The following LAMA2 variants were observed in gnomAD, a reference collection of about 807,000 sequenced individuals.
The protein encoded by LAMA2 is laminin subunit alpha 2.
LAMA2 carries 269 observed loss-of-function variants against 364.8 expected under a neutral mutation model. The ratio of observed to expected loss-of-function variants is 0.74; its 90% CI spans 0.67 to 0.82. LAMA2 has a LOEUF of 0.82. Ranked by LOEUF, LAMA2 falls within the 40% of genes least tolerant of loss-of-function variation. The probability of loss-of-function intolerance (pLI) is 0.00; values close to 1 mark genes in which losing one functional copy is unlikely to be tolerated. For synonymous variants in LAMA2, 1,379 were observed against 1,370.6 expected (o/e 1.01, Z -0.14); for missense variants, 3,807 against 3,873.2 (o/e 0.98, Z 0.45).
chr6:129,229,239 G>A (rs1784520078), intron 12 of LAMA2, among the ~76,000 whole-genome samples: 1 of 152,182 alleles, frequency 6.6e-6, no homozygotes, highest in South Asian at 2.1e-4. Flanking sequence ...GCCTAGGAAG[G>A]ATGATAGTGG....
Position 129,260,769 on chromosome 6 carries a change from G to A in LAMA2, c.2155G>A (p.Ala719Thr). 1 of 1,612,812 alleles carries A rather than the reference G, an allele frequency of 6.2e-7. No individual in the cohort carries two copies. Among genetic ancestry groups the A allele is most frequent in the South Asian group, 1.1e-5 (1 of 91,066 alleles). ...CTATCCTACTGATGGAAGCATTGCA[G>A]CAGCTGTAGAAGTGTGTCAGTGCCC... ...VSYPTDGSIA[A>T]AVEVCQCPPG... The change falls in exon 15 of 65, where the codon GCA (alanine) becomes ACA (threonine). Residue 719 changes from alanine to threonine, a missense_variant. By Grantham distance (58) the Ala-to-Thr change is moderately conservative. Around this residue, in one of 3 missense-constraint regions of LAMA2, gnomAD observed 3,333 missense variants for 3,345.7 expected, o/e 1.00. Coordinates refer to ENST00000421865, the MANE Select transcript of LAMA2 (RefSeq NM_000426.4).
chr6:129,199,047 TGAA>T (rs1424202153), intron 12 of LAMA2, among the ~76,000 whole-genome samples: 1 of 152,122 alleles, frequency 6.6e-6, no homozygotes, highest in African/African-American at 2.4e-5. Context: ...AAGAGGACTA[TGAA>T]GAAGAAAACC....
intron 1 of LAMA2, among the ~76,000 whole-genome samples, chr6:128,955,759 A>G (rs1781104775): frequency 1.3e-5 from 2 of 151,958 alleles, no homozygotes; most frequent in Non-Finnish European, 1.5e-5. Context: ...GAGCAAATAT[A>G]TAGCTACTAT....
intron 1 of LAMA2, among the ~76,000 whole-genome samples, chr6:128,901,556 TGCTATACAAATGTGAA>T (rs1191895109): frequency 1.1e-4 from 16 of 152,216 alleles, no homozygotes; most frequent in Admixed American, 1.0e-3. Context: ...AGATGCCAGA[TGCTATACAAATGTGAA>T]GCATATGACA....
chr6:129,015,475 G>A (rs1379277996), intron 1 of LAMA2, among the ~76,000 whole-genome samples: 2 of 152,012 alleles, frequency 1.3e-5, no homozygotes, highest in African/African-American at 2.4e-5. Context: ...ATATCCACAA[G>A]CATTTCACCA....
intron 1 of LAMA2, among the ~76,000 whole-genome samples, chr6:129,005,269 CCTAT>C (rs1417398180): frequency 6.6e-6 from 1 of 151,770 alleles, no homozygotes; most frequent in Non-Finnish European, 1.5e-5. Flanking sequence ...CCTTTTCTTC[CCTAT>C]CTCCTTTATT....
At chr6:129,138,664 T>C (rs766834865) in intron 4 of LAMA2, among the ~76,000 whole-genome samples, 3 of 152,174 alleles carry the variant, frequency 2.0e-5, no homozygotes, top group Non-Finnish European at 4.4e-5. Flanking sequence ...AATATTCCAT[T>C]GATTTGAATA....
At chr6:129,318,818 G>A (rs1459109041) in intron 27 of LAMA2, among the ~76,000 whole-genome samples, 1 of 152,168 alleles carries the variant, frequency 6.6e-6, no homozygotes. Context: ...ACCTATGCTT[G>A]TTATAAAGTT....
chr6:129,357,948 T>C (rs986455526), intron 32 of LAMA2, among the ~76,000 whole-genome samples: 1 of 152,038 alleles, frequency 6.6e-6, no homozygotes, highest in African/African-American at 2.4e-5. Context: ...CTCCAGATGC[T>C]GATTACTGAT....
rs200469923 is a variant in LAMA2 at position 129,465,299 on chromosome 6, T to A, written c.7300+10T>A. ...AGAATTCAAAAACAAGGTGAGTTTT[T>A]ACAGTAATAATGCAATATAGGCCTT... is the stretch of plus-strand genomic sequence containing the variant. On this transcript the variant is annotated intron_variant, in intron 51 of 64. Transcript: ENST00000421865. 1,491 of 1,603,496 alleles carry A rather than the reference T, an allele frequency of 9.3e-4. 3 individuals are homozygous for A. Among genetic ancestry groups the A allele is most frequent in the Non-Finnish European group, 1.1e-3 (1,347 of 1,171,766 alleles).
At chr6:128,913,897 T>C (rs1295963562) in intron 1 of LAMA2, among the ~76,000 whole-genome samples, 2 of 152,162 alleles carry the variant, frequency 1.3e-5, no homozygotes, top group African/African-American at 4.8e-5. Flanking sequence ...AAAGTCTTAG[T>C]TACCTTTTGA....
chr6:128,968,172 T>A (rs1039427923), intron 1 of LAMA2, among the ~76,000 whole-genome samples: 3 of 152,196 alleles, frequency 2.0e-5, no homozygotes, highest in African/African-American at 7.2e-5. Context: ...TGTGAGGTCT[T>A]TATAAATGAC....
chr6:129,193,355 A>G (rs923422607), intron 12 of LAMA2, among the ~76,000 whole-genome samples: 1 of 152,252 alleles, frequency 6.6e-6, no homozygotes, highest in Non-Finnish European at 1.5e-5. Context: ...AGGCTTATGT[A>G]AACAACATAT....
intron 1 of LAMA2, among the ~76,000 whole-genome samples, chr6:128,883,803 C>T (rs185901524): frequency 0.1 from 8,910 of 89,302 alleles, 256 homozygotes; most frequent in Non-Finnish European, 0.12. Context: ...TATATATATA[C>T]ACACACACAC....
intron 3 of LAMA2, among the ~76,000 whole-genome samples, chr6:129,076,437 T>TATATATAATATATTATATATA (rs1773640061): frequency 6.9e-6 from 1 of 144,122 alleles, no homozygotes; most frequent in Non-Finnish European, 1.5e-5. Flanking sequence ...TATATATAAA[T>TATATATAATATATTATATATA]ATATATAATA....
At chr6:128,946,168 A>G (rs1439026639) in intron 1 of LAMA2, among the ~76,000 whole-genome samples, 1 of 152,260 alleles carries the variant, frequency 6.6e-6, no homozygotes, top group African/African-American at 2.4e-5. Context: ...GTTTTAAGTC[A>G]CTACGTTTGT....
chr6:129,499,681 C>T (rs1363648980), intron 58 of LAMA2, among the ~76,000 whole-genome samples: 1 of 152,078 alleles, frequency 6.6e-6, no homozygotes, highest in Non-Finnish European at 1.5e-5. Flanking sequence ...GAAGCAACAC[C>T]GGGCAAAGCA....
chr6:129,401,898 GA>G (rs1182044860), intron 38 of LAMA2, among the ~76,000 whole-genome samples: 1 of 152,060 alleles, frequency 6.6e-6, no homozygotes, highest in East Asian at 1.9e-4. Flanking sequence ...TAGTAAGTTT[GA>G]AGTTTCATTT....
Position 129,369,919 on chromosome 6 carries a change from G to A in LAMA2, c.4888G>A (p.Glu1630Lys), listed in dbSNP as rs774435152. ...CTTGCTGTCACCTCAGCGGGCCCCA[G>A]AGAGGCTTATTCAGCTGGCAGAGGG... ...KHLLSPQRAP[E>K]RLIQLAEGNL... The change falls in exon 34 of 65, where the codon GAG (glutamate) becomes AAG (lysine). Residue 1630 changes from glutamate to lysine, a missense_variant. Glu to Lys is a moderately conservative substitution (Grantham distance 56, BLOSUM62 1). Transcript: ENST00000421865. 2 of 1,614,124 alleles carry A rather than the reference G, an allele frequency of 1.2e-6. No homozygotes were observed. Among genetic ancestry groups the A allele is most frequent in the Non-Finnish European group, 1.7e-6 (2 of 1,179,994 alleles).
Sources: allele counts gnomAD v4.1 joint callset (sites outside exome capture counted in the v4.1 genomes callset), GRCh38; gene constraint gnomAD v4.1.1; regional missense constraint gnomAD v4.1.1; transcripts MANE v1.5; gene names NCBI Gene and HGNC (gene_info 2026-07-23, HGNC 2026-07-21).